Variants in TMCC1 observed in about 807,000 individuals in gnomAD.
TMCC1 encodes transmembrane and coiled-coil domain family 1.
Under a neutral mutation model 52.4 loss-of-function variants are expected in TMCC1, and 15 were observed. The ratio of observed to expected loss-of-function variants is 0.29; its 90% confidence interval spans 0.19 to 0.44. The LOEUF is 0.44. TMCC1 is among the 20% of genes least tolerant of loss of function. TMCC1 has a pLI of 1.00. For missense variants in TMCC1, 503 were observed against 806.0 expected (o/e 0.62, Z 4.55); for synonymous variants, 279 against 301.9 (o/e 0.92, Z 0.79).
rs2061410528 is a variant in TMCC1, at chr3:129,880,477, T to C, written c.-352A>G. ...GATGGACACTGTGTCTTCTAAATCT[T>C]GTGACCAAAGGCAACTGTTCACCGA... On this transcript the variant is annotated 5_prime_UTR_variant, in exon 2 of 7. Coordinates refer to ENST00000393238, the MANE Select transcript of TMCC1 (RefSeq NM_001017395.5). 1.3e-5 allele frequency: 2 copies of C among 152,206 alleles called. No homozygotes were observed. Among genetic ancestry groups the C allele is most frequent in the Admixed American group, 6.5e-5 (1 of 15,282 alleles). 9.4% of individuals were successfully genotyped at this position (152,206 alleles called of 1,614,324 possible). A position where few individuals can be genotyped will look rare whatever the true frequency, so the allele number is the denominator to read the frequency against.
intron 4 of TMCC1, among the ~76,000 whole-genome samples, chr3:129,792,189 C>CATAT (rs35333957): frequency 6.4e-5 from 9 of 139,818 alleles, no homozygotes; most frequent in Admixed American, 4.4e-4. Context: ...TATATATATA[C>CATAT]ATATATATAT....
chr3:129,756,065 T>C (rs1049999443), intron 4 of TMCC1, among the ~76,000 whole-genome samples: 4 of 136,888 alleles, frequency 2.9e-5, no homozygotes, highest in Non-Finnish European at 3.0e-5. Flanking sequence ...GCCACTGCAC[T>C]CCAGCCTGGG....
chr3:129,691,509 G>GGTGGCTC (rs942390520), intron 4 of TMCC1, among the ~76,000 whole-genome samples: 2 of 152,124 alleles, frequency 1.3e-5, no homozygotes, highest in Non-Finnish European at 2.9e-5. Context: ...AGCCAGGCGT[G>GGTGGCTC]GTGGCTCATG....
chr3:129,818,765 C>T (rs928894700), intron 4 of TMCC1, among the ~76,000 whole-genome samples: 1 of 152,030 alleles, frequency 6.6e-6, no homozygotes, highest in African/African-American at 2.4e-5. Flanking sequence ...CTTCAACATG[C>T]CACAATTCTT....
chr3:129,810,581 A>G (rs558471994), intron 4 of TMCC1, among the ~76,000 whole-genome samples: 2 of 152,310 alleles, frequency 1.3e-5, no homozygotes, highest in South Asian at 2.1e-4. Flanking sequence ...TTAAGGCTCA[A>G]TGGGCAAACA....
intron 2 of TMCC1, among the ~76,000 whole-genome samples, chr3:129,842,893 A>C (rs937615046): frequency 6.6e-6 from 1 of 152,248 alleles, no homozygotes; most frequent in Non-Finnish European, 1.5e-5. Flanking sequence ...AAATACTTGC[A>C]AAGTAAACAA....
intron 4 of TMCC1, among the ~76,000 whole-genome samples, chr3:129,775,113 T>C (rs1252483156): frequency 6.6e-6 from 1 of 152,068 alleles, no homozygotes; most frequent in Non-Finnish European, 1.5e-5. Flanking sequence ...GAAAGTAGAA[T>C]CAATGACATT....
intron 4 of TMCC1, among the ~76,000 whole-genome samples, chr3:129,814,257 ATT>A (rs2057987162): frequency 6.6e-6 from 1 of 152,294 alleles, no homozygotes; most frequent in African/African-American, 2.4e-5. Context: ...AATTTTAAGT[ATT>A]CATCCTGTGA....
chr3:129,660,606 C>CT (rs2086960198), intron 5 of TMCC1, among the ~76,000 whole-genome samples: 1 of 152,192 alleles, frequency 6.6e-6, no homozygotes, highest in Admixed American at 6.5e-5. Context: ...ATACAAGCCT[C>CT]TTTTACTTCT....
At chr3:129,704,303 C>A (rs1309632665) in intron 4 of TMCC1, among the ~76,000 whole-genome samples, 1 of 152,190 alleles carries the variant, frequency 6.6e-6, no homozygotes, top group African/African-American at 2.4e-5. Context: ...CTTCCAGAGA[C>A]AGTTCTATAA....
chr3:129,743,588 A>G (rs1219971906), intron 4 of TMCC1, among the ~76,000 whole-genome samples: 1 of 152,218 alleles, frequency 6.6e-6, no homozygotes, highest in African/African-American at 2.4e-5. Flanking sequence ...TGGAATATGC[A>G]TGACTGATAC....
At chr3:129,724,913 GTT>G (rs1342845649) in intron 4 of TMCC1, among the ~76,000 whole-genome samples, 1 of 152,140 alleles carries the variant, frequency 6.6e-6, no homozygotes, top group Non-Finnish European at 1.5e-5. Flanking sequence ...TTCTTCAATA[GTT>G]CAGTGGGATA....
chr3:129,757,600 C>T (rs1336414698), intron 4 of TMCC1, among the ~76,000 whole-genome samples: 1 of 152,128 alleles, frequency 6.6e-6, no homozygotes, highest in Non-Finnish European at 1.5e-5. Context: ...GTGGGGGGAT[C>T]ATTTGAGGTC....
chr3:129,672,478 T>C (rs1257789165), intron 4 of TMCC1, among the ~76,000 whole-genome samples: 2 of 152,026 alleles, frequency 1.3e-5, no homozygotes, highest in Admixed American at 6.6e-5. Context: ...CACACACCCA[T>C]AGTTCCAGCT....
intron 3 of TMCC1, among the ~76,000 whole-genome samples, 200 bp downstream of exon 3, chr3:129,832,572 TTA>T (rs1468901732): frequency 3.3e-5 from 5 of 152,302 alleles, no homozygotes; most frequent in African/African-American, 1.2e-4. Flanking sequence ...AGTGAAAAAA[TTA>T]TGTTTTTAAA....
chr3:129,820,176 A>C (rs2058348800), intron 4 of TMCC1, among the ~76,000 whole-genome samples: 1 of 150,450 alleles, frequency 6.6e-6, no homozygotes, highest in Non-Finnish European at 1.5e-5. Context: ...TCTAGAGCTA[A>C]AAAGACTTGG....
rs369844102 is a variant in TMCC1 at position 129,688,739 on chromosome 3, GT to G, written c.577-17476del. ...CTAGAGCAGCTAATGCAAATGAATA[GT>G]TTGACTCTGAGAATGGAGATCACAG... On this transcript the variant is annotated intron_variant, in intron 4 of 6. Transcript: ENST00000393238. 2.5e-4 allele frequency: 249 copies of G among 985,396 alleles called. No individual in the cohort carries two copies. The East Asian group carries it at 0.018, about 71-fold the overall frequency. The allele number at this position is 985,396 out of a possible 1,614,324, so 61.0% of individuals were successfully genotyped here. A position where few individuals can be genotyped will look rare whatever the true frequency, so the allele number is the denominator to read the frequency against.
Position 129,670,426 on chromosome 3 carries a change from G to A in TMCC1, c.1415C>T (p.Thr472Ile), listed in dbSNP as rs772756236. Residue 472 changes from threonine (T) to isoleucine (I), a missense_variant, in exon 5 of 7, where the codon ACC (threonine) becomes ATC (isoleucine). Transcript: ENST00000393238. Reference protein sequence around the residue: ...LLHEIQEIRETQARLEESFET... With the variant: ...LLHEIQEIREIQARLEESFET... The stretch of plus-strand genomic sequence containing the variant: ...AAAGGATTCCTCTAGTCTGGCCTGG[G>A]TTTCCCGGATCTCCTGGATCTCATG... The A allele has an allele frequency of 3.7e-6, 6 of 1,614,196 alleles. No individual in the cohort carries two copies. The highest frequency in any genetic ancestry group is 4.2e-6 in the Non-Finnish European group (5 of 1,180,030).
chr3:129,767,183 C>T (rs971965128), intron 4 of TMCC1, among the ~76,000 whole-genome samples: 9 of 151,236 alleles, frequency 6.0e-5, no homozygotes, highest in Non-Finnish European at 1.3e-4. Context: ...ATCGCTTGAA[C>T]CCGGGAGGCA....
Sources: gnomAD v4.1 joint callset for allele counts (sites outside exome capture counted in the v4.1 genomes callset) on GRCh38, gnomAD v4.1.1 for gene constraint, MANE v1.5 for transcripts, NCBI Gene and HGNC (gene_info 2026-07-23, HGNC 2026-07-21) for gene names.